TERT: variants seen among roughly 807,000 people sequenced by gnomAD.
The protein encoded by TERT is telomerase catalytic subunit.
Under a neutral mutation model 104.0 loss-of-function variants are expected in TERT, and 42 were observed. That is an observed-to-expected ratio of 0.40 (90% CI 0.32 to 0.52). The LOEUF is 0.52. Among genes scored for constraint, TERT ranks in the 20% least tolerant of loss-of-function variants. The probability of loss-of-function intolerance (pLI) is 0.43; values close to 1 mark genes in which losing one functional copy is unlikely to be tolerated. For synonymous variants in TERT, 781 were observed against 725.6 expected, an observed-to-expected ratio of 1.08 and a Z score of -1.23; for missense variants, 1,101 against 1,610.3, an observed-to-expected ratio of 0.68 and a Z score of 5.41.
In TERT at chr5:1,287,503, A is replaced by AT. The variant is rs1750565965; in HGVS notation, c.1574-4880_1574-4879insA. Among the ~76,000 whole-genome samples the AT allele has an allele frequency of 2.3e-5, 3 of 128,256 alleles. No individual in the cohort carries two copies. The highest frequency in any genetic ancestry group is 3.2e-5 in the Non-Finnish European group (2 of 61,640). The allele number at this position is 128,256 out of a possible 152,430, so 84.1% of individuals were successfully genotyped here. A position where few individuals can be genotyped will look rare whatever the true frequency, so the allele number is the denominator to read the frequency against. ...ACAGACCAAGACTCTGTCTCAAAAA[A>AT]AAAAAATATATATATATATATATAA... On this transcript the variant is annotated intron_variant, in intron 2 of 15. Coordinates refer to ENST00000310581, the MANE Select transcript of TERT (RefSeq NM_198253.3). This position sits in a 1 kb window ranked among gnomAD's most constrained non-coding sequence, Gnocchi z 4.3.
Position 1,286,531 on chromosome 5 carries a change from T to C in TERT, c.1574-3907A>G, listed in dbSNP as rs1410611987. Among the ~76,000 whole-genome samples the C allele has an allele frequency of 6.6e-6, 1 of 152,148 alleles. No homozygotes were observed. Among genetic ancestry groups the C allele is most frequent in the East Asian group, 1.9e-4 (1 of 5,200 alleles). ...GGGGGTGGCCAGAGCTAAAATACAC[T>C]AAGGGTCTTATTGCTCAGGACAAGG... On this transcript the variant is annotated intron_variant, in intron 2 of 15. Coordinates refer to ENST00000310581, the MANE Select transcript of TERT (RefSeq NM_198253.3). This position sits in a 1 kb window ranked among gnomAD's most constrained non-coding sequence, Gnocchi z 5.3.
rs33951489 is a variant in TERT, at chr5:1,279,191, G to A, written c.2130+100C>T. 2,049 of 1,365,926 alleles carry A rather than the reference G, an allele frequency of 1.5e-3. 28 individuals are homozygous for A. The African/African-American group carries it at 0.027, about 18-fold the overall frequency. 84.6% of individuals were successfully genotyped at this position (1,365,926 alleles called of 1,614,324 possible). On this transcript the variant is annotated intron_variant, in intron 5 of 15. Transcript: ENST00000310581. ...TGACAGGGTCACCTGCACTCCCTGC[G>A]GCCCACCCAGGAGTACCTCCTCCAC...
At position 1,262,561 on chromosome 5, in the gene TERT, C is replaced by A. The variant is rs1748307641; in HGVS notation, c.2843+1843G>T. On this transcript the variant is annotated intron_variant, in intron 11 of 15. Coordinates refer to ENST00000310581, the MANE Select transcript of TERT (RefSeq NM_198253.3). This position sits in a 1 kb window ranked among gnomAD's most constrained non-coding sequence, Gnocchi z 5.6. Reference sequence around the variant, plus strand: ...TCACCCTGAGTATGGCGAACCACTGCCTCCACTGCTGAGCTTTTAGAGCCA... The same window carrying A: ...TCACCCTGAGTATGGCGAACCACTGACTCCACTGCTGAGCTTTTAGAGCCA... Among the ~76,000 whole-genome samples the A allele has an allele frequency of 6.6e-6, 1 of 152,222 alleles. No homozygotes were observed. The highest frequency in any genetic ancestry group is 6.5e-5 in the Admixed American group (1 of 15,278).
chr5:1,293,582 A>T lies in TERT; in HGVS notation c.1304T>A (p.Val435Glu), dbSNP rs1561213530. The change falls in exon 2 of 16, where the codon GTG becomes GAG. Residue 435 changes from valine (V) to glutamate (E), a missense_variant. Val to Glu is a moderately radical substitution (Grantham distance 121). Coordinates refer to ENST00000310581, the MANE Select transcript of TERT (RefSeq NM_198253.3). ...TGTGTCCTCCTCCTCGGGGGCCGCC[A>T]CAGAGCCCTGGGGCTTCTCCCGGGC... ...VCAREKPQGSVAAPEEEDTDP... is the reference protein window; with the variant it reads ...VCAREKPQGSEAAPEEEDTDP... 1.2e-5 allele frequency: 19 copies of T among 1,546,184 alleles called. No individual in the cohort carries two copies. The highest frequency in any genetic ancestry group is 1.4e-5 in the Non-Finnish European group (16 of 1,143,842).
At chr5:1,271,042 C>T in intron 8 of TERT, 77 bp downstream of exon 8, 1 of 1,181,904 alleles carries the variant, frequency 8.5e-7, no homozygotes, top group Non-Finnish European at 1.3e-6. Context: ...GGGGAAGGGG[C>T]AGGAGAGAGG....
Position 1,279,281 on chromosome 5 carries a change from C to T in TERT, c.2130+10G>A, listed in dbSNP as rs373879259. 171 of 1,567,898 alleles carry T rather than the reference C, an allele frequency of 1.1e-4. 1 individual carries two copies. In the African/African-American group the frequency reaches 1.7e-3, roughly 16 times the overall value. ...CAGCAGGGCTGCTCACGGGGGTCCC[C>T]GGCACCCACCTTGACAAAGTACAGC... On this transcript the variant is annotated intron_variant, in intron 5 of 15. Coordinates refer to ENST00000310581, the MANE Select transcript of TERT (RefSeq NM_198253.3).
chr5:1,285,565 ATTTTTTTT>A (rs1170336173), intron 2 of TERT, among the ~76,000 whole-genome samples: 3 of 82,186 alleles, frequency 3.7e-5, no homozygotes, highest in Non-Finnish European at 6.5e-5. Context: ...GGCTACTAGA[ATTTTTTTT>A]TTTTTTTTTT....
chr5:1,282,106 A>C (rs553798714), intron 3 of TERT, among the ~76,000 whole-genome samples: 84 of 149,834 alleles, frequency 5.6e-4, no homozygotes, highest in Non-Finnish European at 1.0e-3. Flanking sequence ...AAAAAAAAAG[A>C]GAGAGAGAAT....
rs899899949 is a variant in TERT at position 1,257,033 on chromosome 5, G to A, written c.3032+1565C>T. The stretch of plus-strand genomic sequence containing the variant: ...CTCTCCGTTCTCCCACTCCTGCCTC[G>A]AGGGAAGGGGATTCCTGGGCCTTCC... On this transcript the variant is annotated intron_variant, in intron 13 of 15. Coordinates refer to ENST00000310581, the MANE Select transcript of TERT (RefSeq NM_198253.3). This position sits in a 1 kb window ranked among gnomAD's most constrained non-coding sequence, Gnocchi z 5.6. Among the ~76,000 whole-genome samples, 8 of 152,156 alleles carry A rather than the reference G, an allele frequency of 5.3e-5. No homozygotes were observed. Among genetic ancestry groups the A allele is most frequent in the East Asian group, 1.9e-4 (1 of 5,152 alleles).
At chr5:1,293,188 GA>G in intron 2 of TERT, 124 bp downstream of exon 2, 1 of 1,216,208 alleles carries the variant, frequency 8.2e-7, no homozygotes, top group Non-Finnish European at 1.2e-6. Flanking sequence ...CGTCCTGAGC[GA>G]AAAGCCACGT....
rs1044861406 is a variant in TERT, at chr5:1,293,814, G to C, written c.1072C>G (p.Arg358Gly). 6.4e-7 allele frequency: 1 copy of C among 1,550,392 alleles called. No homozygotes were observed. The highest frequency in any genetic ancestry group is 1.2e-5 in the South Asian group (1 of 84,118). ...SSLRPSLTGARRLVETIFLGS... is the reference protein window; with the variant it reads ...SSLRPSLTGAGRLVETIFLGS... Reference sequence around the variant, plus strand: ...AGAAAGATGGTCTCCACGAGCCTCCGAGCGCCAGTCAGGCTGGGCCTCAGA... The same window carrying C: ...AGAAAGATGGTCTCCACGAGCCTCCCAGCGCCAGTCAGGCTGGGCCTCAGA... Residue 358 changes from arginine (R) to glycine (G), a missense_variant, in exon 2 of 16, where the codon CGG becomes GGG. By Grantham distance (125) the Arg-to-Gly change is moderately radical. Transcript: ENST00000310581.
chr5:1,260,703 T>C (rs1748172388), intron 11 of TERT, 103 bp from the exon 12 acceptor site: 2 of 1,541,950 alleles, frequency 1.3e-6, no homozygotes, highest in South Asian at 2.3e-5. Context: ...CCCGCTTCCT[T>C]GTCCTGCCTG....
intron 12 of TERT, 50 bp downstream of exon 12, chr5:1,260,424 G>C (rs77339271): frequency 6.2e-7 from 1 of 1,611,300 alleles, no homozygotes; most frequent in Non-Finnish European, 8.5e-7. Context: ...ACATACTTGC[G>C]CACACACCTC....
rs886039438 is a variant in TERT, at chr5:1,282,498, G to A, written c.1700C>T (p.Thr567Met). 1.2e-6 allele frequency: 2 copies of A among 1,614,020 alleles called. No homozygotes were observed. Among genetic ancestry groups the A allele is most frequent in the Admixed American group, 1.7e-5 (1 of 60,000 alleles). ...GAAAAAGAGCCTGTTCTTTTGAAAC[G>A]TGGTCTCCGTGACATAAAAGAAAGA... Reference protein sequence around the residue: ...LRSFFYVTETTFQKNRLFFYR... With the variant: ...LRSFFYVTETMFQKNRLFFYR... The change falls in exon 3 of 16, where the codon ACG (threonine) becomes ATG (methionine). Residue 567 changes from threonine (T) to methionine (M), a missense_variant. Thr to Met is a moderately conservative substitution (Grantham distance 81, BLOSUM62 -1). Coordinates refer to ENST00000310581, the MANE Select transcript of TERT (RefSeq NM_198253.3).
intron 15 of TERT, 57 bp downstream of exon 15, chr5:1,254,311 C>G (rs193203519): frequency 6.2e-7 from 1 of 1,610,894 alleles, no homozygotes; most frequent in Admixed American, 1.7e-5. Flanking sequence ...CCACACAGGG[C>G]GTTCAAGGAT....
chr5:1,285,635 T>C (rs1395642061), intron 2 of TERT, among the ~76,000 whole-genome samples: 1 of 133,886 alleles, frequency 7.5e-6, no homozygotes, highest in East Asian at 2.6e-4. Context: ...AGTGGTGCAA[T>C]GTCGGCTCAC....
chr5:1,284,344 T>G (rs1184353369), intron 2 of TERT, among the ~76,000 whole-genome samples: 1 of 74,916 alleles, frequency 1.3e-5, no homozygotes, highest in Non-Finnish European at 2.6e-5. Flanking sequence ...CGGACCTGCA[T>G]CATCCGGACT....
rs11291391 is a variant in TERT at position 1,287,497 on chromosome 5, CAAA to C, written c.1574-4876_1574-4874del. 3.7e-5 allele frequency among the ~76,000 whole-genome samples: 5 copies of C among 136,084 alleles called. No individual in the cohort carries two copies. Among genetic ancestry groups the C allele is most frequent in the Non-Finnish European group, 3.1e-5 (2 of 64,398 alleles). 89.3% of individuals were successfully genotyped at this position (136,084 alleles called of 152,430 possible). A position where few individuals can be genotyped will look rare whatever the true frequency, so the allele number is the denominator to read the frequency against. ...TGGGCGACAGACCAAGACTCTGTCT[CAAA>C]AAAAAAAAATATATATATATATATA... is the stretch of plus-strand genomic sequence containing the variant. On this transcript the variant is annotated intron_variant, in intron 2 of 15. Coordinates refer to ENST00000310581, the MANE Select transcript of TERT (RefSeq NM_198253.3). This position sits in a 1 kb window ranked among gnomAD's most constrained non-coding sequence, Gnocchi z 4.3.
intron 2 of TERT, among the ~76,000 whole-genome samples, chr5:1,284,970 C>T (rs1256630234): frequency 2.0e-5 from 3 of 150,668 alleles, no homozygotes; most frequent in African/African-American, 4.9e-5. Flanking sequence ...ACCATCCAGA[C>T]ACCACACATC....
Sources: allele counts gnomAD v4.1 joint callset (sites outside exome capture counted in the v4.1 genomes callset), GRCh38; gene constraint gnomAD v4.1.1; non-coding constraint Gnocchi (gnomAD v3.1); transcripts MANE v1.5; gene names NCBI Gene and HGNC (gene_info 2026-07-23, HGNC 2026-07-21).